The following ARHGAP1 variants were observed in gnomAD, a reference collection of about 807,000 sequenced individuals.
ARHGAP1 encodes the protein rho GTPase-activating protein 1.
In ARHGAP1, 23 loss-of-function variants were observed where a neutral mutation model predicts 52.2. That is an observed-to-expected ratio of 0.44 (90% CI 0.32 to 0.62). The LOEUF (loss-of-function observed/expected upper bound fraction) is 0.62, where lower values mean the gene tolerates loss of function less well. Among genes scored for constraint, ARHGAP1 ranks in the 20% least tolerant of loss-of-function variants. ARHGAP1 has a pLI of 0.05. For missense variants in ARHGAP1, 480 were observed against 560.9 expected (o/e 0.86, Z 1.46); for synonymous variants, 210 against 228.4 (o/e 0.92, Z 0.73).
At position 46,677,626 on chromosome 11, in the gene ARHGAP1, T is replaced by A. The variant is rs1017435605; in HGVS notation, c.*1411A>T. Reference sequence around the variant, plus strand: ...ATTCTACGAGACAGTGGGAGTGAGATCAGCCATCACTGGGGCCGAGGTTCT... The same window carrying A: ...ATTCTACGAGACAGTGGGAGTGAGAACAGCCATCACTGGGGCCGAGGTTCT... On this transcript the variant is annotated 3_prime_UTR_variant, in exon 13 of 13. Transcript: ENST00000311956. 4.4e-6 allele frequency: 1 copy of A among 224,800 alleles called. No homozygotes were observed. Among genetic ancestry groups the A allele is most frequent in the Admixed American group, 5.5e-5 (1 of 18,218 alleles). The allele number at this position is 224,800 out of a possible 1,614,324, so 13.9% of individuals were successfully genotyped here.
intron 2 of ARHGAP1, 60 bp from the exon 3 acceptor site, chr11:46,695,815 C>T (rs1824385250): frequency 1.9e-6 from 3 of 1,559,208 alleles, no homozygotes; most frequent in Non-Finnish European, 1.7e-6. Flanking sequence ...CTCTGCCCCA[C>T]AGGCATGCTG....
At position 46,679,311 on chromosome 11, in the gene ARHGAP1, G is replaced by C; in HGVS notation, c.1131+54C>G. On this transcript the variant is annotated intron_variant, in intron 12 of 12. Transcript: ENST00000311956. This position sits in a 1 kb window ranked among gnomAD's most constrained non-coding sequence, Gnocchi z 4.4. The stretch of plus-strand genomic sequence containing the variant: ...ACAATGACCAGGGCGCAGAGGAGGC[G>C]GCAGCTCCTCCTTCCCCCTCCCTTC... The C allele has an allele frequency of 6.2e-7, 1 of 1,605,686 alleles. No individual in the cohort carries two copies. Among genetic ancestry groups the C allele is most frequent in the Non-Finnish European group, 8.5e-7 (1 of 1,173,784 alleles).
chr11:46,682,773 T>G (rs1010433331), intron 4 of ARHGAP1, among the ~76,000 whole-genome samples: 1 of 152,234 alleles, frequency 6.6e-6, no homozygotes, highest in Non-Finnish European at 1.5e-5. Flanking sequence ...TGCCTAGGCC[T>G]GCAGTGAAAA....
At chr11:46,690,789 G>A (rs547309395) in intron 3 of ARHGAP1, among the ~76,000 whole-genome samples, 1 of 152,104 alleles carries the variant, frequency 6.6e-6, no homozygotes, top group Admixed American at 6.6e-5. Context: ...TTATGTACCT[G>A]TCTCCCTGAC....
intron 4 of ARHGAP1, among the ~76,000 whole-genome samples, chr11:46,685,871 T>A (rs1005892040): frequency 2.0e-5 from 3 of 151,624 alleles, no homozygotes; most frequent in Middle Eastern, 3.4e-3. Flanking sequence ...AGATGAGGTT[T>A]CACCATGTTG....
Position 46,696,171 on chromosome 11 carries a change from G to T in ARHGAP1, c.-49-15C>A. 6.6e-7 allele frequency: 1 copy of T among 1,524,154 alleles called. No homozygotes were observed. The highest frequency in any genetic ancestry group is 1.8e-4 in the Middle Eastern group (1 of 5,622). The allele number at this position is 1,524,154 out of a possible 1,614,324, so 94.4% of individuals were successfully genotyped here. ...TTAAGAGAAACCTGGGAGAGAGGAAGACAGGTGGCAGGTCAGTGACCTGCT... is the reference window on the plus strand; with the variant it reads ...TTAAGAGAAACCTGGGAGAGAGGAATACAGGTGGCAGGTCAGTGACCTGCT... On this transcript the variant is annotated splice_polypyrimidine_tract_variant and intron_variant, in intron 1 of 12. Transcript: ENST00000311956. This position sits in a 1 kb window ranked among gnomAD's most constrained non-coding sequence, Gnocchi z 4.8.
Position 46,681,922 on chromosome 11 carries a change from T to C in ARHGAP1, c.449+129A>G, listed in dbSNP as rs903358164. The C allele has an allele frequency of 3.1e-5, 40 of 1,307,696 alleles. No individual in the cohort carries two copies. Among genetic ancestry groups the C allele is most frequent in the Admixed American group, 8.9e-5 (4 of 44,780 alleles). 81.0% of individuals were successfully genotyped at this position (1,307,696 alleles called of 1,614,324 possible). ...GTGATCTGACTGCAGATTCTTTACA[T>C]TGACGTAGACGGCAGCCCCCGCCAC... On this transcript the variant is annotated intron_variant, in intron 5 of 12. Coordinates refer to ENST00000311956, the MANE Select transcript of ARHGAP1 (RefSeq NM_004308.5). This position sits in a 1 kb window ranked among gnomAD's most constrained non-coding sequence, Gnocchi z 5.7.
At position 46,677,244 on chromosome 11, in the gene ARHGAP1, A is replaced by G. The variant is rs906691338; in HGVS notation, c.*1793T>C. On this transcript the variant is annotated 3_prime_UTR_variant, in exon 13 of 13. Coordinates refer to ENST00000311956, the MANE Select transcript of ARHGAP1 (RefSeq NM_004308.5). ...GGGGGACATGAGAAAGACCAAATAG[A>G]TCCGAAAGGCTCCCCAGTGAATGGG... is the stretch of plus-strand genomic sequence containing the variant. The G allele has an allele frequency of 6.6e-6, 1 of 152,630 alleles. No individual in the cohort carries two copies. Among genetic ancestry groups the G allele is most frequent in the Admixed American group, 6.5e-5 (1 of 15,278 alleles). 9.5% of individuals were successfully genotyped at this position (152,630 alleles called of 1,614,324 possible).
intron 5 of ARHGAP1, 26 bp downstream of exon 5, chr11:46,682,025 T>G (rs2064532597): frequency 6.2e-7 from 1 of 1,613,344 alleles, no homozygotes. Context: ...TGGATCTGAC[T>G]GTGCAGGCCC....
rs375088090 is a variant in ARHGAP1 at position 46,680,614 on chromosome 11, G to A, written c.743+26C>T. On this transcript the variant is annotated intron_variant, in intron 8 of 12. Transcript: ENST00000311956. The surrounding 1 kb of genome is among the most constrained non-coding windows in gnomAD (Gnocchi z 5.9). ...GGCCTGCAGCCCTTCCCGCCCCGCC[G>A]TGGCCCAGCCACCTTTCATACTTAC... 9.3e-6 allele frequency: 15 copies of A among 1,613,288 alleles called. No individual in the cohort carries two copies. The Admixed American group carries it at 1.7e-4, about 18-fold the overall frequency.
At chr11:46,686,681 A>C (rs2064571196) in intron 4 of ARHGAP1, 1 of 148,942 alleles carries the variant, frequency 6.7e-6, no homozygotes, top group Admixed American at 6.8e-5. Context: ...GACCTCCCAA[A>C]GTGCTAGGAT....
intron 1 of ARHGAP1, among the ~76,000 whole-genome samples, chr11:46,700,255 A>G (rs2064691649): frequency 6.6e-6 from 1 of 152,242 alleles, no homozygotes; most frequent in Admixed American, 6.5e-5. Flanking sequence ...GCCAGATCAG[A>G]TCTGGGAGAT....
chr11:46,695,208 G>A (rs2064643238), intron 3 of ARHGAP1: 1 of 346,244 alleles, frequency 2.9e-6, no homozygotes, highest in East Asian at 7.5e-5. Context: ...AGGGAGCCAT[G>A]TGCCCCCTCC....
At chr11:46,682,672 G>C (rs1191215629) in intron 4 of ARHGAP1, among the ~76,000 whole-genome samples, 1 of 152,122 alleles carries the variant, frequency 6.6e-6, no homozygotes. Context: ...CAACAAGAGT[G>C]AAACTCTGTC....
Position 46,696,237 on chromosome 11 carries a change from C to G in ARHGAP1, c.-49-81G>C. On this transcript the variant is annotated intron_variant, in intron 1 of 12. Coordinates refer to ENST00000311956, the MANE Select transcript of ARHGAP1 (RefSeq NM_004308.5). This position sits in a 1 kb window ranked among gnomAD's most constrained non-coding sequence, Gnocchi z 4.8. ...GACCTCCACCGCGTGCCCTCCTGCC[C>G]CCACCATTCCCTCTCCCAGGCTCCC... 1.1e-6 allele frequency: 1 copy of G among 912,376 alleles called. No homozygotes were observed. Among genetic ancestry groups the G allele is most frequent in the Non-Finnish European group, 1.6e-6 (1 of 616,088 alleles). The allele number at this position is 912,376 out of a possible 1,614,324, so 56.5% of individuals were successfully genotyped here.
At chr11:46,695,499 T>C in intron 3 of ARHGAP1, 161 bp downstream of exon 3, 2 of 762,244 alleles carry the variant, frequency 2.6e-6, no homozygotes, top group South Asian at 2.9e-5. Flanking sequence ...AACCCAGGGC[T>C]TTCTGACTTC....
intron 4 of ARHGAP1, 105 bp downstream of exon 4, chr11:46,688,068 A>G: frequency 9.3e-7 from 1 of 1,080,528 alleles, no homozygotes; most frequent in Admixed American, 2.2e-5. Context: ...GCATTAAGGC[A>G]GGTGGCCTAG....
chr11:46,696,055 T>C lies in ARHGAP1; in HGVS notation c.53A>G (p.Glu18Gly). The change falls in exon 2 of 13, where the codon GAG becomes GGG. Residue 18 changes from glutamate (E) to glycine (G), a missense_variant. Glu to Gly is a moderately conservative substitution (Grantham distance 98). Coordinates refer to ENST00000311956, the MANE Select transcript of ARHGAP1 (RefSeq NM_004308.5). The surrounding 1 kb of genome is among the most constrained non-coding windows in gnomAD (Gnocchi z 4.8). ...QDDLTLDDTS[E>G]ALNQLKLASI... ...GGCCAGCTTCAGCTGGTTCAGAGCCTCGCTGGTGTCATCCAAGGTCAGATC... is the reference window on the plus strand; with the variant it reads ...GGCCAGCTTCAGCTGGTTCAGAGCCCCGCTGGTGTCATCCAAGGTCAGATC... 6.2e-7 allele frequency: 1 copy of C among 1,613,500 alleles called. No individual in the cohort carries two copies. Among genetic ancestry groups the C allele is most frequent in the Non-Finnish European group, 8.5e-7 (1 of 1,179,760 alleles).
intron 3 of ARHGAP1, among the ~76,000 whole-genome samples, chr11:46,692,952 ACGCTATTCTCCTGCCT>A: frequency 6.6e-6 from 1 of 151,702 alleles, no homozygotes; most frequent in East Asian, 1.9e-4. Flanking sequence ...TCCCGGGTTC[ACGCTATTCTCCTGCCT>A]CAGGCTCCTG....
Sources: allele counts gnomAD v4.1 joint callset (sites outside exome capture counted in the v4.1 genomes callset), GRCh38; gene constraint gnomAD v4.1.1; non-coding constraint Gnocchi (gnomAD v3.1); transcripts MANE v1.5; gene names NCBI Gene and HGNC (gene_info 2026-07-23, HGNC 2026-07-21).